The following ARMC3 variants were observed in gnomAD, a reference collection of about 807,000 sequenced individuals.
ARMC3 encodes the protein armadillo repeat containing 3, also known as armadillo repeat-containing protein 3.
In ARMC3, 74 loss-of-function variants were observed where a neutral mutation model predicts 90.3. The observed-to-expected ratio is 0.82, with a 90% CI of 0.68 to 0.99. The LOEUF is 0.99. ARMC3 is among the 50% of genes least tolerant of loss of function. ARMC3 has a pLI of 0.00. For missense variants in ARMC3, 958 were observed against 1,042.8 expected, an observed-to-expected ratio of 0.92 and a Z score of 1.12; for synonymous variants, 334 against 361.8, an observed-to-expected ratio of 0.92 and a Z score of 0.87.
intron 16 of ARMC3, among the ~76,000 whole-genome samples, chr10:23,016,660 G>T (rs1838285600): frequency 6.6e-6 from 1 of 152,176 alleles, no homozygotes; most frequent in Non-Finnish European, 1.5e-5. Context: ...TAACCTGGCA[G>T]ACTTCATGGG....
intron 7 of ARMC3, among the ~76,000 whole-genome samples, chr10:22,962,590 G>A (rs376883438): frequency 8.5e-5 from 13 of 152,200 alleles, no homozygotes; most frequent in African/African-American, 2.9e-4. Context: ...TGTGTCTTTC[G>A]CCACTAATTC....
chr10:23,008,222 T>C (rs1486850578), intron 14 of ARMC3, 54 bp from the exon 15 acceptor site: 1 of 924,188 alleles, frequency 1.1e-6, no homozygotes, highest in Non-Finnish European at 1.6e-6. Context: ...AATAAAACCA[T>C]CTGTTGACAA....
At chr10:23,005,168 A>C (rs1564388347) in intron 13 of ARMC3, among the ~76,000 whole-genome samples, 1 of 143,418 alleles carries the variant, frequency 7.0e-6, no homozygotes, top group Admixed American at 7.1e-5. Flanking sequence ...AGCCGAGATC[A>C]TACCACTGCA....
chr10:22,976,672 T>G (rs1835936918), intron 8 of ARMC3, among the ~76,000 whole-genome samples: 2 of 152,206 alleles, frequency 1.3e-5, no homozygotes, highest in African/African-American at 4.8e-5. Flanking sequence ...GCCTCCTTAT[T>G]TGCTTATGAA....
intron 3 of ARMC3, among the ~76,000 whole-genome samples, chr10:22,947,801 CATT>C (rs1347236272): frequency 6.6e-6 from 1 of 152,110 alleles, no homozygotes; most frequent in Non-Finnish European, 1.5e-5. Flanking sequence ...GTAAAACTAA[CATT>C]GTTGTAAAAC....
chr10:22,963,619 C>T (rs1251269908), intron 7 of ARMC3, among the ~76,000 whole-genome samples: 4 of 151,920 alleles, frequency 2.6e-5, no homozygotes, highest in African/African-American at 7.3e-5. Flanking sequence ...GGGCCAGGCA[C>T]GGTGGCTCAC....
intron 18 of ARMC3, 148 bp from the exon 19 acceptor site, chr10:23,037,122 A>C: frequency 1.5e-6 from 1 of 666,276 alleles, no homozygotes; most frequent in Non-Finnish European, 2.4e-6. Flanking sequence ...CCCCTATACC[A>C]ATAGTCCACA....
chr10:22,961,076 T>G (rs749230509), intron 6 of ARMC3: 2 of 152,182 alleles, frequency 1.3e-5, no homozygotes, highest in Non-Finnish European at 2.9e-5. Context: ...CAGCATATAT[T>G]TTGGGGGAAC....
intron 13 of ARMC3, among the ~76,000 whole-genome samples, chr10:23,005,462 C>T (rs1223984403): frequency 2.0e-5 from 3 of 152,244 alleles, no homozygotes; most frequent in South Asian, 2.1e-4. Flanking sequence ...GCTGTGAATA[C>T]GTCAGTGAAC....
At chr10:23,013,283 C>T (rs1838105971) in intron 16 of ARMC3, among the ~76,000 whole-genome samples, 1 of 152,180 alleles carries the variant, frequency 6.6e-6, no homozygotes, top group Non-Finnish European at 1.5e-5. Flanking sequence ...GAAGCCCATA[C>T]TCCAAGCATG....
At chr10:22,937,146 TC>T (rs2131144730) in intron 2 of ARMC3, among the ~76,000 whole-genome samples, 1 of 152,070 alleles carries the variant, frequency 6.6e-6, no homozygotes, top group African/African-American at 2.4e-5. Context: ...CAAGAGATCT[TC>T]CCCCCTCGGC....
rs1837967638 is a variant in ARMC3, at chr10:23,010,895, CT to C, written c.2045+1966del. ...CTCTCCTTCCCTTTCCCTCCCACTC[CT>C]TCCCTTCCTTCCCCTCTTCTTCCCT... On this transcript the variant is annotated intron_variant, in intron 16 of 18. Transcript: ENST00000298032. Among the ~76,000 whole-genome samples, 2 of 57,688 alleles carry C rather than the reference CT, an allele frequency of 3.5e-5. 1 individual carries two copies. The highest frequency in any genetic ancestry group is 1.0e-4 in the Non-Finnish European group (2 of 19,874). 37.8% of individuals were successfully genotyped at this position (57,688 alleles called of 152,430 possible). A position where few individuals can be genotyped will look rare whatever the true frequency, so the allele number is the denominator to read the frequency against.
chr10:22,988,637 G>A (rs758174477), intron 10 of ARMC3, among the ~76,000 whole-genome samples: 2 of 152,140 alleles, frequency 1.3e-5, no homozygotes, highest in African/African-American at 2.4e-5. Flanking sequence ...TCATTTTGAA[G>A]GGGGGAAAAA....
intron 10 of ARMC3, among the ~76,000 whole-genome samples, chr10:22,988,008 G>T (rs537205913): frequency 6.6e-6 from 1 of 152,292 alleles, no homozygotes; most frequent in South Asian, 2.1e-4. Flanking sequence ...ATTGTAAGCA[G>T]TACACTCCAA....
At chr10:22,992,425 G>A (rs1419327001) in intron 10 of ARMC3, among the ~76,000 whole-genome samples, 1 of 149,988 alleles carries the variant, frequency 6.7e-6, no homozygotes, top group Admixed American at 6.6e-5. Context: ...AGCATTTTGC[G>A]GGGGGCATTT....
intron 8 of ARMC3, among the ~76,000 whole-genome samples, chr10:22,976,562 C>G (rs1027644065): frequency 6.6e-6 from 1 of 152,216 alleles, no homozygotes; most frequent in Admixed American, 6.5e-5. Flanking sequence ...ACCTTTACCA[C>G]TTTCCTCAGC....
intron 11 of ARMC3, among the ~76,000 whole-genome samples, chr10:23,000,482 T>C (rs1303128833): frequency 3.9e-5 from 6 of 152,212 alleles, no homozygotes; most frequent in African/African-American, 1.4e-4. Flanking sequence ...CTTGAGACTT[T>C]AGGGAAGGGA....
At chr10:23,004,932 G>A (rs116542495) in intron 13 of ARMC3, among the ~76,000 whole-genome samples, 2 of 152,204 alleles carry the variant, frequency 1.3e-5, no homozygotes, top group Admixed American at 1.3e-4. Flanking sequence ...AAACCAAGAG[G>A]GGGGCCGGGC....
At chr10:23,032,637 T>A (rs1047267219) in intron 17 of ARMC3, among the ~76,000 whole-genome samples, 1 of 152,228 alleles carries the variant, frequency 6.6e-6, no homozygotes, top group Non-Finnish European at 1.5e-5. Flanking sequence ...TCAAATTGAA[T>A]GAAATTGCTA....
Sources: gnomAD v4.1 joint callset for allele counts (sites outside exome capture counted in the v4.1 genomes callset) on GRCh38, gnomAD v4.1.1 for gene constraint, MANE v1.5 for transcripts, NCBI Gene and HGNC (gene_info 2026-07-23, HGNC 2026-07-21) for gene names.